GRIK4: variants seen among roughly 807,000 people sequenced by gnomAD.
GRIK4 encodes glutamate ionotropic receptor kainate type subunit 4.
GRIK4 carries 40 observed loss-of-function variants against 104.9 expected under a neutral mutation model. The ratio of observed to expected loss-of-function variants is 0.38; its 90% CI spans 0.30 to 0.50. GRIK4 has a LOEUF of 0.50. Among genes scored for constraint, GRIK4 ranks in the 20% least tolerant of loss-of-function variants. The pLI, the probability that GRIK4 is intolerant of heterozygous loss-of-function variation, is 0.93. For synonymous variants in GRIK4, 485 were observed against 524.9 expected, an observed-to-expected ratio of 0.92 and a Z score of 1.04; for missense variants, 1,047 against 1,308.1, an observed-to-expected ratio of 0.80 and a Z score of 3.08.
intron 1 of GRIK4, among the ~76,000 whole-genome samples, chr11:120,574,775 G>T (rs543393032): frequency 2.0e-5 from 3 of 152,320 alleles, no homozygotes; most frequent in African/African-American, 7.2e-5. Context: ...CCATCAGTCT[G>T]TGGGGAGGGG....
chr11:120,950,859 C>T (rs1943983209), intron 14 of GRIK4, among the ~76,000 whole-genome samples: 1 of 152,138 alleles, frequency 6.6e-6, no homozygotes, highest in South Asian at 2.1e-4. Context: ...CGGGATGAGC[C>T]AAGCTCAAAT....
chr11:120,721,452 C>G (rs1432497870), intron 3 of GRIK4, among the ~76,000 whole-genome samples: 2 of 152,124 alleles, frequency 1.3e-5, no homozygotes, highest in Non-Finnish European at 2.9e-5. Flanking sequence ...ATAGTTTGTT[C>G]CTCACAGTTC....
intron 1 of GRIK4, among the ~76,000 whole-genome samples, chr11:120,552,746 T>C (rs990404026): frequency 2.0e-5 from 3 of 152,116 alleles, no homozygotes; most frequent in Non-Finnish European, 4.4e-5. Context: ...ATGCCTGTAA[T>C]CCCAGCACTT....
At chr11:120,543,648 G>A (rs1260586108) in intron 1 of GRIK4, among the ~76,000 whole-genome samples, 3 of 152,134 alleles carry the variant, frequency 2.0e-5, no homozygotes, top group Admixed American at 6.5e-5. Flanking sequence ...TCCCACTTCT[G>A]GGTATTTATC....
chr11:120,624,498 G>A (rs1483433775), intron 1 of GRIK4, among the ~76,000 whole-genome samples: 3 of 151,932 alleles, frequency 2.0e-5, no homozygotes, highest in Non-Finnish European at 4.4e-5. Context: ...GTAGCTGTAG[G>A]TGCTCCTAGA....
At chr11:120,857,500 ATG>A (rs1181579761) in intron 8 of GRIK4, among the ~76,000 whole-genome samples, 1 of 30,812 alleles carries the variant, frequency 3.2e-5, no homozygotes, top group Non-Finnish European at 6.0e-5. Context: ...GTATGCACAC[ATG>A]CACACACACA....
intron 3 of GRIK4, among the ~76,000 whole-genome samples, chr11:120,753,604 A>G (rs892369874): frequency 2.0e-5 from 3 of 152,082 alleles, no homozygotes; most frequent in African/African-American, 7.2e-5. Flanking sequence ...TTTTGGCAAA[A>G]CAGTCATCAT....
intron 13 of GRIK4, among the ~76,000 whole-genome samples, chr11:120,922,091 C>A (rs1044617459): frequency 3.3e-5 from 5 of 152,192 alleles, no homozygotes; most frequent in African/African-American, 9.7e-5. Flanking sequence ...CCTATGTCAC[C>A]TTCTGTGCCT....
intron 1 of GRIK4, among the ~76,000 whole-genome samples, chr11:120,622,468 C>G (rs1189342157): frequency 6.6e-6 from 1 of 152,198 alleles, no homozygotes; most frequent in African/African-American, 2.4e-5. Flanking sequence ...GAGCAAGACT[C>G]ACAGCAAGAA....
At chr11:120,608,956 G>C (rs1331982823) in intron 1 of GRIK4, among the ~76,000 whole-genome samples, 8 of 152,352 alleles carry the variant, frequency 5.3e-5, no homozygotes, top group Non-Finnish European at 1.5e-5. Flanking sequence ...GGAGAGTGTT[G>C]AATCTGATTT....
chr11:120,725,279 T>C (rs1227842282), intron 3 of GRIK4, among the ~76,000 whole-genome samples: 1 of 152,202 alleles, frequency 6.6e-6, no homozygotes, highest in Non-Finnish European at 1.5e-5. Context: ...GGTTGGTGGC[T>C]GGTAATTTTA....
At position 120,665,061 on chromosome 11, in the gene GRIK4, G is replaced by A. The variant is rs143447381; in HGVS notation, c.82+4661G>A. On this transcript the variant is annotated intron_variant, in intron 3 of 20. Transcript: ENST00000527524. ...CCCCCAATGAGCTCCAATTCTGTAC[G>A]GAGAATGTTCAACATAGAACATTGA... 2.6e-3 allele frequency among the ~76,000 whole-genome samples: 390 copies of A among 152,110 alleles called. 2 individuals carry two copies. Among genetic ancestry groups the A allele is most frequent in the African/African-American group, 8.8e-3 (364 of 41,470 alleles).
intron 1 of GRIK4, among the ~76,000 whole-genome samples, chr11:120,605,113 A>T (rs1392296425): frequency 6.6e-6 from 1 of 152,212 alleles, no homozygotes; most frequent in Non-Finnish European, 1.5e-5. Context: ...GAGATTACAG[A>T]CGTGAGCCAG....
At chr11:120,866,878 A>G (rs1008152282) in intron 9 of GRIK4, among the ~76,000 whole-genome samples, 2 of 152,218 alleles carry the variant, frequency 1.3e-5, no homozygotes, top group African/African-American at 4.8e-5. Flanking sequence ...ACCTCGGCAC[A>G]GAGCTGAAGA....
intron 1 of GRIK4, among the ~76,000 whole-genome samples, chr11:120,542,196 C>CAGTGA (rs1172048211): frequency 1.3e-5 from 2 of 152,180 alleles, no homozygotes; most frequent in African/African-American, 4.8e-5. Flanking sequence ...CAAGAATACA[C>CAGTGA]AGTGAAGAAG....
chr11:120,754,551 A>T (rs553823899), intron 3 of GRIK4, among the ~76,000 whole-genome samples: 1 of 152,152 alleles, frequency 6.6e-6, no homozygotes, highest in Non-Finnish European at 1.5e-5. Context: ...TGCTGTGAAC[A>T]TTCATGTATA....
chr11:120,536,364 G>A (rs892019889), intron 1 of GRIK4, among the ~76,000 whole-genome samples: 2 of 152,122 alleles, frequency 1.3e-5, no homozygotes, highest in Non-Finnish European at 2.9e-5. Context: ...GTCTTAGCTG[G>A]GGGGTGTCTT....
chr11:120,662,531 G>A (rs1333520331), intron 3 of GRIK4, among the ~76,000 whole-genome samples: 1 of 152,194 alleles, frequency 6.6e-6, no homozygotes, highest in African/African-American at 2.4e-5. Context: ...CAGAGGGGAT[G>A]TGGAGTAGCG....
intron 3 of GRIK4, among the ~76,000 whole-genome samples, chr11:120,742,877 A>G (rs570556225): frequency 1.3e-5 from 2 of 152,326 alleles, no homozygotes; most frequent in Admixed American, 6.5e-5. Flanking sequence ...ATGCCCATCA[A>G]TGACAGATTA....
Sources: allele counts gnomAD v4.1 joint callset (sites outside exome capture counted in the v4.1 genomes callset), GRCh38; gene constraint gnomAD v4.1.1; transcripts MANE v1.5; gene names NCBI Gene and HGNC (gene_info 2026-07-23, HGNC 2026-07-21).